FLT1: variants seen among roughly 807,000 people sequenced by gnomAD.
FLT1 encodes the protein fms related receptor tyrosine kinase 1, also known as vascular endothelial growth factor receptor 1.
FLT1 carries 49 observed loss-of-function variants against 156.3 expected under a neutral mutation model. The ratio of observed to expected loss-of-function variants is 0.31; its 90% CI spans 0.25 to 0.40. FLT1 has a LOEUF of 0.40. Ranked by LOEUF, FLT1 falls within the 10% of genes least tolerant of loss-of-function variation. The pLI is 1.00. For synonymous variants in FLT1, 594 were observed against 583.8 expected, an observed-to-expected ratio of 1.02 and a Z score of -0.25; for missense variants, 1,322 against 1,637.2, an observed-to-expected ratio of 0.81 and a Z score of 3.32.
intron 6 of FLT1, among the ~76,000 whole-genome samples, chr13:28,432,031 C>T (rs1050796016): frequency 6.6e-6 from 1 of 152,126 alleles, no homozygotes; most frequent in Non-Finnish European, 1.5e-5. Flanking sequence ...CAAGAATTAG[C>T]CTTAGGCTCT....
At chr13:28,463,170 TAAGTA>T (rs981714023) in intron 3 of FLT1, among the ~76,000 whole-genome samples, 54 of 152,356 alleles carry the variant, frequency 3.5e-4, no homozygotes, top group African/African-American at 1.3e-3. Flanking sequence ...ATTCGGTAAT[TAAGTA>T]AAGTAGTTAA....
chr13:28,349,719 G>A (rs927795396), intron 15 of FLT1, among the ~76,000 whole-genome samples: 7 of 152,098 alleles, frequency 4.6e-5, no homozygotes, highest in African/African-American at 9.7e-5. Flanking sequence ...GACCCCCAAA[G>A]TCTAATTCCA....
At chr13:28,352,469 C>A (rs543179342) in intron 15 of FLT1, among the ~76,000 whole-genome samples, 1 of 152,184 alleles carries the variant, frequency 6.6e-6, no homozygotes, top group Non-Finnish European at 1.5e-5. Flanking sequence ...CTAGTTTCTA[C>A]GGAAGGAATT....
chr13:28,487,734 A>C (rs2137668211), intron 1 of FLT1, among the ~76,000 whole-genome samples: 1 of 152,248 alleles, frequency 6.6e-6, no homozygotes, highest in South Asian at 2.1e-4. Flanking sequence ...CAGGATACTT[A>C]CCGCTGCTGG....
intron 17 of FLT1, among the ~76,000 whole-genome samples, chr13:28,334,734 A>C (rs1872053344): frequency 1.3e-5 from 2 of 152,252 alleles, no homozygotes; most frequent in South Asian, 4.1e-4. Flanking sequence ...AACCACTGGT[A>C]GTGATTTGTT....
intron 3 of FLT1, among the ~76,000 whole-genome samples, chr13:28,450,243 C>T (rs1157851931): frequency 6.6e-6 from 1 of 152,152 alleles, no homozygotes; most frequent in Non-Finnish European, 1.5e-5. Context: ...AGTACTGATA[C>T]CTGCCTTGAA....
At chr13:28,482,517 GA>G (rs1280889436) in intron 1 of FLT1, among the ~76,000 whole-genome samples, 1 of 151,280 alleles carries the variant, frequency 6.6e-6, no homozygotes, top group African/African-American at 2.4e-5. Flanking sequence ...GAAAAAAAAA[GA>G]AAAGAAAATA....
Position 28,319,517 on chromosome 13 carries a change from T to C in FLT1, c.3192A>G (p.Lys1064=). ...CAAAGATAGATTCAGGAGCCATCCATTTCAGAGGAAGTCGAGTCTAGAAGA... is the reference window on the plus strand; with the variant it reads ...CAAAGATAGATTCAGGAGCCATCCACTTCAGAGGAAGTCGAGTCTAGAAGA... ...VRKGDTRLPL[K]WMAPESIFDK... The change falls in exon 24 of 30, where the codon AAA becomes AAG. Residue 1064 remains lysine, a synonymous_variant. Transcript: ENST00000282397. 5.0e-6 allele frequency: 8 copies of C among 1,613,202 alleles called. No homozygotes were observed. Among genetic ancestry groups the C allele is most frequent in the Non-Finnish European group, 6.8e-6 (8 of 1,179,242 alleles).
At chr13:28,389,542 C>G in intron 13 of FLT1, 1 of 1,431,236 alleles carries the variant, frequency 7.0e-7, no homozygotes, top group East Asian at 2.5e-5. Flanking sequence ...CCCCCTCGGC[C>G]TGAATGGGGG....
At chr13:28,366,411 T>A (rs886533205) in intron 14 of FLT1, among the ~76,000 whole-genome samples, 2 of 152,210 alleles carry the variant, frequency 1.3e-5, no homozygotes, top group Non-Finnish European at 1.5e-5. Context: ...GTTCCCTTGA[T>A]GCCTGGTTAA....
chr13:28,447,834 A>G (rs1445768191), intron 3 of FLT1, among the ~76,000 whole-genome samples: 5 of 150,500 alleles, frequency 3.3e-5, no homozygotes, highest in Non-Finnish European at 1.5e-5. Flanking sequence ...GTATCTATAT[A>G]TTATATCTCT....
At position 28,344,220 on chromosome 13, in the gene FLT1, C is replaced by G. The variant is rs190288903; in HGVS notation, c.2355+1225G>C. Among the ~76,000 whole-genome samples the G allele has an allele frequency of 1.7e-3, 255 of 152,206 alleles. 2 individuals carry two copies. The Middle Eastern group carries it at 0.017, about 10-fold the overall frequency. ...GGCCAGGCCTTGCCGCTTTCCCTTC[C>G]CATTTCTTGGCAGCCTCACCTCATA... On this transcript the variant is annotated intron_variant, in intron 16 of 29. Coordinates refer to ENST00000282397, the MANE Select transcript of FLT1 (RefSeq NM_002019.4).
chr13:28,389,616 G>A (rs1874579559), intron 13 of FLT1, 180 bp downstream of exon 13: 14 of 1,463,350 alleles, frequency 9.6e-6, no homozygotes, highest in Admixed American at 2.6e-5. Flanking sequence ...ATTTTGGGAG[G>A]AGCATCTCCT....
chr13:28,416,065 A>C (rs1407102984), intron 10 of FLT1, among the ~76,000 whole-genome samples: 3 of 152,254 alleles, frequency 2.0e-5, no homozygotes, highest in African/African-American at 7.2e-5. Flanking sequence ...TAGCACTCGC[A>C]ATGTACCAGC....
intron 15 of FLT1, among the ~76,000 whole-genome samples, chr13:28,350,805 C>T (rs1188614556): frequency 6.6e-6 from 1 of 152,118 alleles, no homozygotes; most frequent in Admixed American, 6.6e-5. Flanking sequence ...ATAACAGCCC[C>T]TTCCTCACAC....
At chr13:28,371,260 C>A (rs1161220758) in intron 14 of FLT1, among the ~76,000 whole-genome samples, 1 of 152,128 alleles carries the variant, frequency 6.6e-6, no homozygotes, top group Non-Finnish European at 1.5e-5. Context: ...AGAACTTATA[C>A]CATATGCTTA....
At chr13:28,356,003 C>T (rs1256196556) in intron 15 of FLT1, among the ~76,000 whole-genome samples, 1 of 152,180 alleles carries the variant, frequency 6.6e-6, no homozygotes, top group African/African-American at 2.4e-5. Context: ...GCTTCATACC[C>T]AGGCTCCTCC....
chr13:28,448,393 T>C (rs1168505208), intron 3 of FLT1, among the ~76,000 whole-genome samples: 2 of 152,202 alleles, frequency 1.3e-5, no homozygotes, highest in East Asian at 3.8e-4. Flanking sequence ...AGCTAAAATG[T>C]GATATGTCCA....
chr13:28,369,553 T>C (rs1023425445), intron 14 of FLT1, among the ~76,000 whole-genome samples: 2 of 152,130 alleles, frequency 1.3e-5, no homozygotes, highest in Non-Finnish European at 2.9e-5. Flanking sequence ...TGAAAAACGA[T>C]TAATCCATAA....
Sources: allele counts gnomAD v4.1 joint callset (sites outside exome capture counted in the v4.1 genomes callset), GRCh38; gene constraint gnomAD v4.1.1; transcripts MANE v1.5; gene names NCBI Gene and HGNC (gene_info 2026-07-23, HGNC 2026-07-21).